TTC1: variants seen among roughly 807,000 people sequenced by gnomAD.
TTC1 encodes the protein tetratricopeptide repeat domain 1, also known as tetratricopeptide repeat protein 1.
A neutral mutation model predicts 37.6 loss-of-function variants in TTC1; 31 were observed. The ratio of observed to expected loss-of-function variants is 0.82; its 90% CI spans 0.62 to 1.11. The LOEUF (loss-of-function observed/expected upper bound fraction) is 1.11. Ranked by LOEUF, TTC1 falls within the 50% of genes most tolerant of loss-of-function variation. TTC1 has a pLI of 0.00. For missense variants in TTC1, 351 were observed against 339.0 expected (o/e 1.04, Z -0.28); for synonymous variants, 127 against 122.4 (o/e 1.04, Z -0.25).
intron 6 of TTC1, 149 bp from the exon 7 acceptor site, chr5:160,050,977 GTTT>G (rs11384114): frequency 6.7e-6 from 3 of 447,236 alleles, no homozygotes; most frequent in Non-Finnish European, 7.6e-6. Context: ...AATACTTGGG[GTTT>G]TTTTTTTTTA....
intron 7 of TTC1, chr5:160,063,784 C>A (rs924841217): frequency 1.3e-5 from 2 of 152,038 alleles, no homozygotes; most frequent in Non-Finnish European, 2.9e-5. Flanking sequence ...TATCTTAAAA[C>A]AGCATAAGAA....
chr5:160,025,023 AT>A (rs1019340786), intron 2 of TTC1, among the ~76,000 whole-genome samples: 4 of 151,498 alleles, frequency 2.6e-5, no homozygotes, highest in Admixed American at 1.3e-4. Flanking sequence ...TTTTATTTTT[AT>A]TTTTTTGTTT....
chr5:160,021,091 G>T (rs1315999937), intron 2 of TTC1, among the ~76,000 whole-genome samples: 1 of 152,154 alleles, frequency 6.6e-6, no homozygotes, highest in East Asian at 1.9e-4. Context: ...AGGTCACTTT[G>T]TGTAGATCAG....
chr5:160,031,810 T>C (rs1165609946), intron 2 of TTC1, among the ~76,000 whole-genome samples: 2 of 152,058 alleles, frequency 1.3e-5, no homozygotes, highest in East Asian at 3.9e-4. Context: ...AAGACCAACC[T>C]GGCCAACACA....
intron 7 of TTC1, among the ~76,000 whole-genome samples, chr5:160,056,962 G>T (rs903428293): frequency 6.6e-6 from 1 of 151,974 alleles, no homozygotes; most frequent in Non-Finnish European, 1.5e-5. Flanking sequence ...ATACATGTAG[G>T]TACAGAAACC....
At chr5:160,013,382 A>G (rs541740128) in intron 2 of TTC1, among the ~76,000 whole-genome samples, 3 of 152,208 alleles carry the variant, frequency 2.0e-5, no homozygotes, top group African/African-American at 7.2e-5. Flanking sequence ...TAAAGTTCAG[A>G]TAGTTCAACA....
At chr5:160,033,844 G>A (rs1280120814) in intron 2 of TTC1, among the ~76,000 whole-genome samples, 1 of 152,168 alleles carries the variant, frequency 6.6e-6, no homozygotes, top group Non-Finnish European at 1.5e-5. Context: ...TAGGTTCCAG[G>A]CTTCTCTTGT....
At position 160,065,229 on chromosome 5, in the gene TTC1, G is replaced by T; in HGVS notation, c.*164G>T. ...CTTGTCCCTCTTTTATGATCAGGGT[G>T]AAATGTACTTCCTGATGTAATGAAC... On this transcript the variant is annotated 3_prime_UTR_variant, in exon 8 of 8. Transcript: ENST00000231238. The T allele has an allele frequency of 1.0e-6, 1 of 971,824 alleles. No homozygotes were observed. The allele number at this position is 971,824 out of a possible 1,614,324, so 60.2% of individuals were successfully genotyped here.
At chr5:160,037,245 G>A (rs1417899683) in intron 4 of TTC1, among the ~76,000 whole-genome samples, 1 of 152,154 alleles carries the variant, frequency 6.6e-6, no homozygotes, top group African/African-American at 2.4e-5. Flanking sequence ...TTCAAAGTAT[G>A]GACACTTGGA....
intron 5 of TTC1, among the ~76,000 whole-genome samples, chr5:160,047,717 GC>G (rs1757288880): frequency 6.6e-6 from 1 of 152,042 alleles, no homozygotes; most frequent in Non-Finnish European, 1.5e-5. Flanking sequence ...CTGATCCCCA[GC>G]CTGATAACTC....
rs187717239 is a variant in TTC1 at position 160,036,534 on chromosome 5, A to G, written c.392-157A>G. 5.7e-4 allele frequency: 331 copies of G among 577,964 alleles called. 2 individuals are homozygous for G. In the African/African-American group the frequency reaches 5.8e-3, roughly 10 times the overall value. The allele number at this position is 577,964 out of a possible 1,614,324, so 35.8% of individuals were successfully genotyped here. On this transcript the variant is annotated intron_variant, in intron 3 of 7. Transcript: ENST00000231238. ...CCTTTAAAGAGAGAAGAAAAGAAGA[A>G]ATGATTTTTACTGCGCCAGACTTAA...
At chr5:160,036,641 G>T (rs1413127551) in intron 3 of TTC1, 50 bp from the exon 4 acceptor site, 1 of 1,231,986 alleles carries the variant, frequency 8.1e-7, no homozygotes, top group African/African-American at 1.5e-5. Flanking sequence ...GAATATAGTA[G>T]TATCAGGAAT....
intron 2 of TTC1, among the ~76,000 whole-genome samples, chr5:160,026,603 G>A (rs1756811474): frequency 6.6e-6 from 1 of 151,994 alleles, no homozygotes; most frequent in African/African-American, 2.4e-5. Flanking sequence ...AGCCTGTTTT[G>A]TCTGATAGCA....
chr5:160,060,742 C>T (rs1753358230), intron 7 of TTC1, among the ~76,000 whole-genome samples: 1 of 152,204 alleles, frequency 6.6e-6, no homozygotes, highest in African/African-American at 2.4e-5. Context: ...CTGAGCTCTC[C>T]TGAAGGCTGT....
intron 7 of TTC1, among the ~76,000 whole-genome samples, chr5:160,052,197 T>C (rs1446378227): frequency 6.6e-6 from 1 of 152,194 alleles, no homozygotes; most frequent in Non-Finnish European, 1.5e-5. Flanking sequence ...GGGGAGCTTT[T>C]CCCCTAATTT....
chr5:160,029,665 C>T (rs931006106), intron 2 of TTC1, among the ~76,000 whole-genome samples: 3 of 152,016 alleles, frequency 2.0e-5, no homozygotes, highest in African/African-American at 4.8e-5. Context: ...AAAAATTGAT[C>T]TAGGACTCCT....
intron 2 of TTC1, among the ~76,000 whole-genome samples, chr5:160,021,993 G>A (rs2113351263): frequency 6.6e-6 from 1 of 152,242 alleles, no homozygotes; most frequent in South Asian, 2.1e-4. Context: ...GTTTTATTTT[G>A]TAGCAATTAC....
chr5:160,023,957 A>T (rs1303677284), intron 2 of TTC1: 3 of 1,564,178 alleles, frequency 1.9e-6, no homozygotes, highest in Non-Finnish European at 2.6e-6. Flanking sequence ...CTCATCAGGT[A>T]TCAGAGAGTA....
rs1757570000 is a variant in TTC1 at position 160,057,270 on chromosome 5, A to G, written c.745+6087A>G. 6.6e-6 allele frequency among the ~76,000 whole-genome samples: 1 copy of G among 152,200 alleles called. No individual in the cohort carries two copies. Among genetic ancestry groups the G allele is most frequent in the African/African-American group, 2.4e-5 (1 of 41,446 alleles). ...TTTACCCAAGGTCAAATACAGGCGT[A>G]CCTCAGAGATGTTGCAGGTTCAGTT... On this transcript the variant is annotated intron_variant, in intron 7 of 7. Coordinates refer to ENST00000231238, the MANE Select transcript of TTC1 (RefSeq NM_003314.3). This position sits in a 1 kb window ranked among gnomAD's most constrained non-coding sequence, Gnocchi z 4.4.
Sources: allele counts gnomAD v4.1 joint callset (sites outside exome capture counted in the v4.1 genomes callset), GRCh38; gene constraint gnomAD v4.1.1; non-coding constraint Gnocchi (gnomAD v3.1); transcripts MANE v1.5; gene names NCBI Gene and HGNC (gene_info 2026-07-23, HGNC 2026-07-21).